ATP10A: variants seen among roughly 807,000 people sequenced by gnomAD.
ATP10A encodes phospholipid-transporting ATPase VA.
ATP10A carries 111 observed loss-of-function variants against 147.8 expected under a neutral mutation model. The observed-to-expected ratio is 0.75, with a 90% CI of 0.64 to 0.88. The LOEUF is 0.88. Among genes scored for constraint, ATP10A ranks in the 40% least tolerant of loss-of-function variants. The pLI, the probability that ATP10A is intolerant of heterozygous loss-of-function variation, is 0.00. For synonymous variants in ATP10A, 875 were observed against 841.6 expected (o/e 1.04, Z -0.69); for missense variants, 1,927 against 1,959.0 (o/e 0.98, Z 0.31).
chr15:25,746,487 C>T (rs1167679881), intron 2 of ATP10A, among the ~76,000 whole-genome samples: 1 of 152,228 alleles, frequency 6.6e-6, no homozygotes, highest in African/African-American at 2.4e-5. Flanking sequence ...TATTAATAAA[C>T]TAACCTAATG....
intron 1 of ATP10A, among the ~76,000 whole-genome samples, chr15:25,850,702 C>G (rs951358748): frequency 2.0e-4 from 31 of 151,370 alleles, no homozygotes; most frequent in Non-Finnish European, 4.4e-4. Context: ...ACGCCCACCA[C>G]CCCCCAAGAC....
intron 1 of ATP10A, among the ~76,000 whole-genome samples, chr15:25,787,428 A>G (rs1040769302): frequency 1.3e-5 from 2 of 151,972 alleles, no homozygotes; most frequent in Non-Finnish European, 2.9e-5. Context: ...AGCCTGGGCA[A>G]CATAGTGAGA....
intron 1 of ATP10A, among the ~76,000 whole-genome samples, chr15:25,797,859 C>T (rs1890752948): frequency 6.6e-6 from 1 of 152,116 alleles, no homozygotes; most frequent in Non-Finnish European, 1.5e-5. Flanking sequence ...CCGATCTCAC[C>T]CTGGGCTGGC....
Position 25,713,824 on chromosome 15 carries a change from G to C in ATP10A, c.2194C>G (p.Leu732Val). 1.9e-6 allele frequency: 3 copies of C among 1,614,068 alleles called. No individual in the cohort carries two copies. The highest frequency in any genetic ancestry group is 2.5e-6 in the Non-Finnish European group (3 of 1,180,044). ...VSVELPHLGR[L>V]TFELLHTLGF... ...AGTGTGTGCAGGAGCTCGAAGGTGA[G>C]CCTGCCCAGGTGGGGCAGCTCCACT... Residue 732 changes from leucine to valine, a missense_variant, in exon 10 of 21, where the codon CTC becomes GTC. Physicochemically the swap from Leu to Val is conservative, Grantham distance 32 (BLOSUM62 1). Coordinates refer to ENST00000555815, the MANE Select transcript of ATP10A (RefSeq NM_024490.4).
chr15:25,794,068 G>A (rs796116865), intron 1 of ATP10A, among the ~76,000 whole-genome samples: 8 of 152,338 alleles, frequency 5.3e-5, no homozygotes, highest in African/African-American at 1.9e-4. Context: ...CTCTAAATCA[G>A]AATTCTGAAG....
At chr15:25,802,991 G>A (rs1309631150) in intron 1 of ATP10A, among the ~76,000 whole-genome samples, 2 of 152,202 alleles carry the variant, frequency 1.3e-5, no homozygotes, top group Non-Finnish European at 2.9e-5. Flanking sequence ...AACACCAGTA[G>A]GGCTGCTGTT....
chr15:25,695,452 C>T (rs1462805107), intron 13 of ATP10A, among the ~76,000 whole-genome samples: 2 of 151,990 alleles, frequency 1.3e-5, no homozygotes, highest in African/African-American at 2.4e-5. Flanking sequence ...CACGGTGAAA[C>T]CCCGTCTCTA....
chr15:25,694,761 G>T (rs1476905925), intron 14 of ATP10A, 58 bp downstream of exon 14: 4 of 1,450,970 alleles, frequency 2.8e-6, no homozygotes, highest in East Asian at 2.3e-5. Flanking sequence ...AGCATGGAAG[G>T]GTAGAGGAAG....
chr15:25,749,060 CAAAAAAAAAAA>C (rs1171259548), intron 2 of ATP10A, among the ~76,000 whole-genome samples: 2 of 67,480 alleles, frequency 3.0e-5, no homozygotes, highest in African/African-American at 5.9e-5. Flanking sequence ...GAGACTCTGT[CAAAAAAAAAAA>C]AAAAAAAAAA....
intron 12 of ATP10A, among the ~76,000 whole-genome samples, chr15:25,706,879 C>G (rs1212231919): frequency 6.6e-6 from 1 of 152,176 alleles, no homozygotes; most frequent in Non-Finnish European, 1.5e-5. Flanking sequence ...TGCCTCCTAC[C>G]CCACAGGCCT....
chr15:25,721,543 C>T (rs1276381061), intron 7 of ATP10A, 114 bp downstream of exon 7: 11 of 749,438 alleles, frequency 1.5e-5, no homozygotes, highest in African/African-American at 1.1e-4. Context: ...ATCCCTGAAG[C>T]GTGTGTGTGT....
At chr15:25,786,774 C>T (rs1369838745) in intron 1 of ATP10A, among the ~76,000 whole-genome samples, 2 of 149,600 alleles carry the variant, frequency 1.3e-5, no homozygotes, top group East Asian at 2.0e-4. Context: ...TACAGGCGCC[C>T]ACCACCATGC....
chr15:25,702,436 C>T (rs1384406350), intron 12 of ATP10A, among the ~76,000 whole-genome samples: 1 of 152,194 alleles, frequency 6.6e-6, no homozygotes, highest in Admixed American at 6.5e-5. Context: ...TACAGATAAC[C>T]TGAAGGCAAA....
At chr15:25,706,712 A>C (rs1901043816) in intron 12 of ATP10A, among the ~76,000 whole-genome samples, 1 of 152,234 alleles carries the variant, frequency 6.6e-6, no homozygotes, top group Non-Finnish European at 1.5e-5. Flanking sequence ...ACCAGCAAGC[A>C]CTGTGAAATG....
rs1440348052 is a variant in ATP10A, at chr15:25,813,151, G to A, written c.450-31928C>T. Reference sequence around the variant, plus strand: ...AGGCTTGATCAGTACATGCATGTGAGGAGACTTCCCCAAGTTCAGGGAAAG... The same window carrying A: ...AGGCTTGATCAGTACATGCATGTGAAGAGACTTCCCCAAGTTCAGGGAAAG... On this transcript the variant is annotated intron_variant, in intron 1 of 20. Transcript: ENST00000555815. 2.0e-5 allele frequency among the ~76,000 whole-genome samples: 3 copies of A among 152,172 alleles called. No homozygotes were observed. In the East Asian group the frequency reaches 5.8e-4, roughly 29 times the overall value.
intron 1 of ATP10A, among the ~76,000 whole-genome samples, chr15:25,784,829 G>A (rs1402537139): frequency 6.6e-6 from 1 of 152,074 alleles, no homozygotes; most frequent in Non-Finnish European, 1.5e-5. Context: ...GGCTGAGGCA[G>A]GAGAATCGCT....
At chr15:25,733,884 AC>A (rs1887108066) in intron 3 of ATP10A, among the ~76,000 whole-genome samples, 1 of 152,192 alleles carries the variant, frequency 6.6e-6, no homozygotes, top group Non-Finnish European at 1.5e-5. Context: ...CGGTGAGGAC[AC>A]CACAGGAGGA....
intron 1 of ATP10A, among the ~76,000 whole-genome samples, chr15:25,843,145 G>A (rs1356810584): frequency 2.6e-5 from 4 of 152,120 alleles, no homozygotes; most frequent in Non-Finnish European, 4.4e-5. Context: ...CATGTCCAGC[G>A]CAGTCACGCC....
At chr15:25,823,378 C>T (rs1891969837) in intron 1 of ATP10A, among the ~76,000 whole-genome samples, 1 of 152,198 alleles carries the variant, frequency 6.6e-6, no homozygotes, top group Non-Finnish European at 1.5e-5. Flanking sequence ...AGTTATATTA[C>T]ACCCATTTAA....
Sources: gnomAD v4.1 joint callset for allele counts (sites outside exome capture counted in the v4.1 genomes callset) on GRCh38, gnomAD v4.1.1 for gene constraint, MANE v1.5 for transcripts, NCBI Gene and HGNC (gene_info 2026-07-23, HGNC 2026-07-21) for gene names.